BEND3: variants seen among roughly 807,000 people sequenced by gnomAD.
The protein encoded by BEND3 is BEN domain-containing protein 3.
In BEND3, 13 loss-of-function variants were observed where a neutral mutation model predicts 60.1. The observed-to-expected ratio is 0.22, with a 90% confidence interval of 0.14 to 0.34. The LOEUF is 0.34. Ranked by LOEUF, BEND3 falls within the 10% of genes least tolerant of loss-of-function variation. The pLI, the probability that BEND3 is intolerant of heterozygous loss-of-function variation, is 1.00. For synonymous variants in BEND3, 497 were observed against 491.5 expected, an observed-to-expected ratio of 1.01 and a Z score of -0.15; for missense variants, 896 against 1,138.1, an observed-to-expected ratio of 0.79 and a Z score of 3.06.
At chr6:107,106,347 G>A (rs1232568374) in intron 1 of BEND3, among the ~76,000 whole-genome samples, 2 of 152,210 alleles carry the variant, frequency 1.3e-5, no homozygotes, top group Non-Finnish European at 1.5e-5. Context: ...AAGGACTTCA[G>A]GAGACTCCCG....
In BEND3 at chr6:107,065,547, G is replaced by C. The variant is rs1261883835; in HGVS notation, c.*3157C>G. 6.6e-6 allele frequency: 1 copy of C among 151,004 alleles called. No individual in the cohort carries two copies. The highest frequency in any genetic ancestry group is 1.5e-5 in the Non-Finnish European group (1 of 67,754). The allele number at this position is 151,004 out of a possible 1,614,324, so 9.4% of individuals were successfully genotyped here. A position where few individuals can be genotyped will look rare whatever the true frequency, so the allele number is the denominator to read the frequency against. The stretch of plus-strand genomic sequence containing the variant: ...CCCCACTTCATGTATCTATACAGTC[G>C]ATCTACACAGCCAGGCGGGGTGCAA... On this transcript the variant is annotated 3_prime_UTR_variant, in exon 4 of 4. Transcript: ENST00000369042.
At chr6:107,103,179 T>C (rs1194009397) in intron 1 of BEND3, among the ~76,000 whole-genome samples, 1 of 152,170 alleles carries the variant, frequency 6.6e-6, no homozygotes, top group Admixed American at 6.5e-5. Context: ...AAGAGAGATG[T>C]GTAGGCCACT....
At chr6:107,085,790 CTTAT>C (rs782553990) in intron 3 of BEND3, among the ~76,000 whole-genome samples, 5 of 107,634 alleles carry the variant, frequency 4.6e-5, no homozygotes, top group Non-Finnish European at 9.5e-5. Context: ...CGCACCTGGC[CTTAT>C]TTTTTTTTTT....
chr6:107,108,178 G>C (rs1303434025), intron 1 of BEND3, among the ~76,000 whole-genome samples: 1 of 152,214 alleles, frequency 6.6e-6, no homozygotes. Flanking sequence ...TATTCAGTCA[G>C]AGCACAACCT....
At chr6:107,088,238 T>C (rs2115016198) in intron 3 of BEND3, among the ~76,000 whole-genome samples, 1 of 152,144 alleles carries the variant, frequency 6.6e-6, no homozygotes, top group African/African-American at 2.4e-5. Context: ...AAAGAATCTC[T>C]GCATTTGAGG....
chr6:107,091,533 A>G (rs782781876), intron 3 of BEND3, among the ~76,000 whole-genome samples: 2 of 152,190 alleles, frequency 1.3e-5, no homozygotes, highest in Non-Finnish European at 2.9e-5. Context: ...GACCAACTCT[A>G]TGTCCACAAA....
intron 3 of BEND3, among the ~76,000 whole-genome samples, chr6:107,074,958 G>A (rs1282538874): frequency 6.6e-6 from 1 of 152,082 alleles, no homozygotes; most frequent in Non-Finnish European, 1.5e-5. Context: ...AAAATTAGCT[G>A]GGAGTGGTAG....
At chr6:107,093,056 A>G (rs1325445475) in intron 3 of BEND3, among the ~76,000 whole-genome samples, 10 of 152,238 alleles carry the variant, frequency 6.6e-5, no homozygotes, top group Non-Finnish European at 1.5e-4. Flanking sequence ...AGTTCTTCCC[A>G]CTTTGACCTA....
At chr6:107,095,750 G>A (rs1473290623) in intron 3 of BEND3, among the ~76,000 whole-genome samples, 1 of 152,166 alleles carries the variant, frequency 6.6e-6, no homozygotes, top group Non-Finnish European at 1.5e-5. Flanking sequence ...AAGACATGGA[G>A]GAAACTCAAA....
chr6:107,109,167 G>A (rs72935783), intron 1 of BEND3, among the ~76,000 whole-genome samples: 15,717 of 151,612 alleles, frequency 0.1, 1,085 homozygotes, highest in Middle Eastern at 0.16. Context: ...GGCGGGGGGC[G>A]GTCTGGGCGT....
chr6:107,104,079 T>C lies in BEND3; in HGVS notation c.-11-4783A>G, dbSNP rs9384644. 0.018 allele frequency among the ~76,000 whole-genome samples: 2,641 copies of C among 150,798 alleles called. 88 individuals are homozygous for C. In the East Asian group the frequency reaches 0.18, roughly 10 times the overall value. On this transcript the variant is annotated intron_variant, in intron 1 of 3. Coordinates refer to ENST00000369042, the MANE Select transcript of BEND3 (RefSeq NM_001367314.1). ...GCGGGCAGATCACGAGGTCAGGAGA[T>C]GGAGACCATCCTGGCTAACACGGTG...
chr6:107,110,670 C>T (rs1456916333), intron 1 of BEND3, among the ~76,000 whole-genome samples: 6 of 152,060 alleles, frequency 3.9e-5, no homozygotes, highest in African/African-American at 1.4e-4. Context: ...AAGCGATTCT[C>T]CCGCTTCAGC....
chr6:107,088,245 G>A (rs1347998879), intron 3 of BEND3, among the ~76,000 whole-genome samples: 1 of 152,072 alleles, frequency 6.6e-6, no homozygotes, highest in Admixed American at 6.6e-5. Context: ...CTCTGCATTT[G>A]AGGATATCTT....
At chr6:107,091,005 T>C (rs9486521) in intron 3 of BEND3, among the ~76,000 whole-genome samples, 2,392 of 150,990 alleles carry the variant, frequency 0.016, 77 homozygotes, top group African/African-American at 0.056. Flanking sequence ...AGCTACTCAG[T>C]AGGCTGAGGC....
intron 3 of BEND3, 141 bp from the exon 4 acceptor site, chr6:107,071,091 G>T: frequency 1.3e-6 from 1 of 774,192 alleles, no homozygotes. Flanking sequence ...GAATCACTCT[G>T]TCATCCAAGG....
chr6:107,109,987 T>C (rs1775907466), intron 1 of BEND3, among the ~76,000 whole-genome samples: 1 of 147,828 alleles, frequency 6.8e-6, no homozygotes, highest in Non-Finnish European at 1.5e-5. Flanking sequence ...GCTGTGATCG[T>C]GCCACTGCAC....
chr6:107,080,501 A>C (rs1775210284), intron 3 of BEND3, among the ~76,000 whole-genome samples: 1 of 152,172 alleles, frequency 6.6e-6, no homozygotes, highest in South Asian at 2.1e-4. Context: ...GCAGAGGATA[A>C]GAGAATATTC....
intron 3 of BEND3, 116 bp downstream of exon 3, chr6:107,098,435 C>T (rs1191848562): frequency 1.4e-5 from 15 of 1,051,634 alleles, no homozygotes; most frequent in Non-Finnish European, 1.9e-5. Flanking sequence ...TAAATGAAAC[C>T]TTCCCATGCC....
At chr6:107,112,307 T>C (rs985679619) in intron 1 of BEND3, among the ~76,000 whole-genome samples, 2 of 152,190 alleles carry the variant, frequency 1.3e-5, no homozygotes, top group South Asian at 2.1e-4. Flanking sequence ...TTTGTAATTA[T>C]TGGACATTCT....
Sources: gnomAD v4.1 joint callset for allele counts (sites outside exome capture counted in the v4.1 genomes callset) on GRCh38, gnomAD v4.1.1 for gene constraint, MANE v1.5 for transcripts, NCBI Gene and HGNC (gene_info 2026-07-23, HGNC 2026-07-21) for gene names.